The following ZCCHC7 variants were observed in gnomAD, a reference collection of about 807,000 sequenced individuals.
The protein encoded by ZCCHC7 is zinc finger CCHC domain-containing protein 7.
ZCCHC7 carries 35 observed loss-of-function variants against 52.0 expected under a neutral mutation model. The ratio of observed to expected loss-of-function variants is 0.67; its 90% CI spans 0.51 to 0.89. ZCCHC7 has a LOEUF of 0.89. Ranked by LOEUF, ZCCHC7 falls within the 40% of genes least tolerant of loss-of-function variation. The probability of loss-of-function intolerance (pLI) is 0.00; values close to 1 mark genes in which losing one functional copy is unlikely to be tolerated. For synonymous variants in ZCCHC7, 217 were observed against 221.5 expected (o/e 0.98, Z 0.18); for missense variants, 574 against 649.1 (o/e 0.88, Z 1.26).
At chr9:37,266,554 G>A (rs1018132523) in intron 2 of ZCCHC7, among the ~76,000 whole-genome samples, 45 of 152,064 alleles carry the variant, frequency 3.0e-4, no homozygotes, top group African/African-American at 1.1e-3. Context: ...ATGATGCTAA[G>A]CATGTTGGCA....
At chr9:37,121,032 T>G (rs956113203) in intron 1 of ZCCHC7, 1 of 152,666 alleles carries the variant, frequency 6.6e-6, no homozygotes, top group African/African-American at 2.4e-5. Context: ...CTGGGCCACC[T>G]CCCGCCTCTG....
intron 2 of ZCCHC7, among the ~76,000 whole-genome samples, chr9:37,222,912 A>C (rs2133270821): frequency 6.6e-6 from 1 of 152,276 alleles, no homozygotes; most frequent in Middle Eastern, 3.4e-3. Context: ...GAACATAAGG[A>C]AAATGTTTAC....
In ZCCHC7 at chr9:37,175,052, C is replaced by T. The variant is rs540646944; in HGVS notation, c.610+48110C>T. 4.0e-5 allele frequency among the ~76,000 whole-genome samples: 6 copies of T among 151,024 alleles called. No individual in the cohort carries two copies. In the South Asian group the frequency reaches 1.3e-3, roughly 32 times the overall value. ...CCAGAAGGCTGAGGCACGAGAATTG[C>T]GTGAACCCGGGAGGTGGATCGTGCC... On this transcript the variant is annotated intron_variant, in intron 2 of 8. Coordinates refer to ENST00000336755, the MANE Select transcript of ZCCHC7 (RefSeq NM_032226.3).
At chr9:37,161,191 C>A (rs900753618) in intron 2 of ZCCHC7, among the ~76,000 whole-genome samples, 2 of 152,018 alleles carry the variant, frequency 1.3e-5, no homozygotes, top group African/African-American at 4.8e-5. Flanking sequence ...CTCAAGTGAT[C>A]CACCTGCCTC....
chr9:37,304,970 C>T (rs912037151), intron 4 of ZCCHC7, among the ~76,000 whole-genome samples: 2 of 152,028 alleles, frequency 1.3e-5, no homozygotes, highest in Admixed American at 1.3e-4. Flanking sequence ...TAATTTTTAT[C>T]GTTAGAAAAT....
chr9:37,128,009 C>A (rs1202222863), intron 2 of ZCCHC7, among the ~76,000 whole-genome samples: 1 of 152,074 alleles, frequency 6.6e-6, no homozygotes, highest in Non-Finnish European at 1.5e-5. Flanking sequence ...AGTTTGCAAA[C>A]CCTGAGAACT....
chr9:37,249,070 C>T (rs2133385244), intron 2 of ZCCHC7, among the ~76,000 whole-genome samples: 1 of 152,194 alleles, frequency 6.6e-6, no homozygotes, highest in South Asian at 2.1e-4. Context: ...TGAATATTGT[C>T]CCTTTCCCTT....
chr9:37,139,185 G>A lies in ZCCHC7; in HGVS notation c.610+12243G>A, dbSNP rs73448413. Among the ~76,000 whole-genome samples, 937 of 152,002 alleles carry A rather than the reference G, an allele frequency of 6.2e-3. 18 individuals are homozygous for A. The highest frequency in any genetic ancestry group is 0.02 in the African/African-American group (846 of 41,512). On this transcript the variant is annotated intron_variant, in intron 2 of 8. Transcript: ENST00000336755. Reference sequence around the variant, plus strand: ...ACTTCATGGAAGTTTTCAGCCTAACGTTTTAAATCTCTTCATTATTATTTA... The same window carrying A: ...ACTTCATGGAAGTTTTCAGCCTAACATTTTAAATCTCTTCATTATTATTTA...
intron 2 of ZCCHC7, among the ~76,000 whole-genome samples, chr9:37,245,599 C>G (rs1306894801): frequency 2.6e-5 from 4 of 151,904 alleles, no homozygotes; most frequent in African/African-American, 9.7e-5. Flanking sequence ...TGGATACTTA[C>G]AATACAAAGT....
chr9:37,175,826 G>A (rs1821993601), intron 2 of ZCCHC7, among the ~76,000 whole-genome samples: 1 of 152,110 alleles, frequency 6.6e-6, no homozygotes, highest in Non-Finnish European at 1.5e-5. Context: ...AGAATTGTCT[G>A]TCTTGCAGAC....
At chr9:37,137,381 TAGA>T in intron 2 of ZCCHC7, among the ~76,000 whole-genome samples, 1 of 152,288 alleles carries the variant, frequency 6.6e-6, no homozygotes, top group African/African-American at 2.4e-5. Context: ...CAGCTAAAAA[TAGA>T]AGGTGAAGCC....
intron 2 of ZCCHC7, 30 bp from the exon 3 acceptor site, chr9:37,302,158 C>T (rs10814518): frequency 0.38 from 600,901 of 1,567,096 alleles, 120,278 homozygotes; most frequent in Non-Finnish European, 0.41. Flanking sequence ...AAAAGTGCCA[C>T]GGTTAAGTAA....
intron 2 of ZCCHC7, among the ~76,000 whole-genome samples, chr9:37,211,745 A>G (rs953271597): frequency 6.6e-6 from 1 of 152,154 alleles, no homozygotes; most frequent in Non-Finnish European, 1.5e-5. Flanking sequence ...ATCTGTGGCT[A>G]GGGCCGGGCG....
chr9:37,258,724 T>C (rs1305359430), intron 2 of ZCCHC7, among the ~76,000 whole-genome samples: 2 of 142,092 alleles, frequency 1.4e-5, no homozygotes, highest in Non-Finnish European at 3.0e-5. Flanking sequence ...CCACTGCACT[T>C]TAGCCTGGGT....
intron 2 of ZCCHC7, among the ~76,000 whole-genome samples, chr9:37,248,705 G>A (rs1219655107): frequency 6.6e-6 from 1 of 152,284 alleles, no homozygotes; most frequent in East Asian, 1.9e-4. Context: ...TGATAAGCAT[G>A]TCATAATTCA....
At chr9:37,267,573 T>C (rs565975396) in intron 2 of ZCCHC7, among the ~76,000 whole-genome samples, 67 of 144,142 alleles carry the variant, frequency 4.6e-4, no homozygotes, top group Admixed American at 1.4e-3. Flanking sequence ...TTTCTTTTTT[T>C]TTTTTTTTTT....
intron 6 of ZCCHC7, among the ~76,000 whole-genome samples, chr9:37,347,517 T>C (rs1380205801): frequency 6.6e-6 from 1 of 152,144 alleles, no homozygotes; most frequent in Non-Finnish European, 1.5e-5. Flanking sequence ...TGCAAAAGAA[T>C]AAATTAGTTA....
At position 37,304,287 on chromosome 9, in the gene ZCCHC7, T is replaced by C; in HGVS notation, c.754T>C (p.Leu252=). Residue 252 remains leucine, a synonymous_variant, in exon 4 of 9, where the codon TTA becomes CTA. Transcript: ENST00000336755. ...ICRNCDKRGH[L]SKNCPLPRKV... ...TAGAAATTGTGACAAACGTGGTCAT[T>C]TATCAAAAAACTGCCCCTTACCACG... is the stretch of plus-strand genomic sequence containing the variant. The C allele has an allele frequency of 6.2e-7, 1 of 1,613,898 alleles. No individual in the cohort carries two copies. The highest frequency in any genetic ancestry group is 1.1e-5 in the South Asian group (1 of 91,034).
At chr9:37,301,605 A>G (rs1166489879) in intron 2 of ZCCHC7, among the ~76,000 whole-genome samples, 1 of 152,174 alleles carries the variant, frequency 6.6e-6, no homozygotes, top group Non-Finnish European at 1.5e-5. Context: ...GTCTCCAAAA[A>G]AAACAAGAAG....
Sources: gnomAD v4.1 joint callset for allele counts (sites outside exome capture counted in the v4.1 genomes callset) on GRCh38, gnomAD v4.1.1 for gene constraint, MANE v1.5 for transcripts, NCBI Gene and HGNC (gene_info 2026-07-23, HGNC 2026-07-21) for gene names.